Variants in OPCML observed in about 807,000 individuals in gnomAD.
OPCML encodes the protein opioid-binding protein/cell adhesion molecule.
In OPCML, 13 loss-of-function variants were observed where a neutral mutation model predicts 37.8. The observed-to-expected ratio is 0.34, with a 90% CI of 0.22 to 0.55. The LOEUF (loss-of-function observed/expected upper bound fraction) is 0.55. OPCML is among the 20% of genes least tolerant of loss of function. OPCML has a pLI of 0.91. For synonymous variants in OPCML, 176 were observed against 168.8 expected (o/e 1.04, Z -0.33); for missense variants, 341 against 435.6 (o/e 0.78, Z 1.93).
intron 1 of OPCML, among the ~76,000 whole-genome samples, chr11:133,141,706 A>G (rs1014152823): frequency 2.0e-5 from 3 of 152,196 alleles, no homozygotes; most frequent in Admixed American, 6.5e-5. Context: ...AGCTGTCAAC[A>G]TAGCTTCAAC....
chr11:133,454,266 T>C (rs1441965990), intron 1 of OPCML, among the ~76,000 whole-genome samples: 1 of 152,338 alleles, frequency 6.6e-6, no homozygotes, highest in South Asian at 2.1e-4. Context: ...GTCTCAGATC[T>C]GAATTACTAA....
chr11:132,791,031 T>C (rs1937870007), intron 2 of OPCML, among the ~76,000 whole-genome samples: 1 of 152,178 alleles, frequency 6.6e-6, no homozygotes, highest in Non-Finnish European at 1.5e-5. Context: ...TTTGGCATAT[T>C]ACAATTTTCA....
chr11:132,934,049 G>A (rs1203689522), intron 2 of OPCML, among the ~76,000 whole-genome samples: 2 of 152,170 alleles, frequency 1.3e-5, no homozygotes, highest in Non-Finnish European at 2.9e-5. Flanking sequence ...CAGGCTATGT[G>A]CCTGAAAATA....
chr11:132,685,805 C>T (rs894787760), intron 2 of OPCML, among the ~76,000 whole-genome samples: 1 of 152,150 alleles, frequency 6.6e-6, no homozygotes, highest in Non-Finnish European at 1.5e-5. Context: ...GTTAAAGATG[C>T]AAATTAGAAA....
At chr11:132,890,932 G>C (rs559549507) in intron 2 of OPCML, among the ~76,000 whole-genome samples, 13 of 151,252 alleles carry the variant, frequency 8.6e-5, no homozygotes, top group African/African-American at 2.9e-4. Flanking sequence ...CAAAGTCAGA[G>C]CTTGATGAGC....
chr11:132,895,810 CT>C (rs945484170), intron 2 of OPCML, among the ~76,000 whole-genome samples: 13 of 152,246 alleles, frequency 8.5e-5, no homozygotes, highest in African/African-American at 2.2e-4. Context: ...TCCACCCCCC[CT>C]GCCCCTCTTT....
At chr11:132,962,154 C>T (rs962616998) in intron 1 of OPCML, among the ~76,000 whole-genome samples, 1 of 152,236 alleles carries the variant, frequency 6.6e-6, no homozygotes, top group Non-Finnish European at 1.5e-5. Flanking sequence ...CGTAGGAGGT[C>T]CATTTTCATC....
Position 132,571,798 on chromosome 11 carries a change from T to G in OPCML, c.380-42612A>C, listed in dbSNP as rs777387445. Among the ~76,000 whole-genome samples, 5 of 152,324 alleles carry G rather than the reference T, an allele frequency of 3.3e-5. No homozygotes were observed. In the East Asian group the frequency reaches 9.7e-4, roughly 29 times the overall value. On this transcript the variant is annotated intron_variant, in intron 3 of 7. Transcript: ENST00000524381. ...TTTGAATATATACTCAGAAATGAGATTATGAATAATGTAGTAGTTCTATTT... is the reference window on the plus strand; with the variant it reads ...TTTGAATATATACTCAGAAATGAGAGTATGAATAATGTAGTAGTTCTATTT...
rs5795789 is a variant in OPCML at position 132,554,863 on chromosome 11, G to GTTTTTTTTTTTTTTTTTTTTTTTTTT, written c.380-25703_380-25678dup. ...ATAAAAGCCATGGGAATGGGGTAAA[G>GTTTTTTTTTTTTTTTTTTTTTTTTTT]TTTTTTTTTTTTTTTTTTTTTTTTT... On this transcript the variant is annotated intron_variant, in intron 3 of 7. Transcript: ENST00000524381. Among the ~76,000 whole-genome samples, 28 of 64,030 alleles carry GTTTTTTTTTTTTTTTTTTTTTTTTTT rather than the reference G, an allele frequency of 4.4e-4. 1 individual carries two copies. The highest frequency in any genetic ancestry group is 1.2e-3 in the Admixed American group (4 of 3,388). The allele number at this position is 64,030 out of a possible 152,430, so 42.0% of individuals were successfully genotyped here. A position where few individuals can be genotyped will look rare whatever the true frequency, so the allele number is the denominator to read the frequency against.
intron 2 of OPCML, among the ~76,000 whole-genome samples, chr11:132,864,758 T>G (rs1215930234): frequency 6.6e-6 from 1 of 152,238 alleles, no homozygotes; most frequent in East Asian, 1.9e-4. Flanking sequence ...TTGAAAGTGG[T>G]TCTCTACCCA....
intron 3 of OPCML, among the ~76,000 whole-genome samples, chr11:132,570,755 G>GTATATATA (rs71477765): frequency 0.025 from 743 of 30,062 alleles, 50 homozygotes; most frequent in Middle Eastern, 0.045. Context: ...AGGAAAGAGA[G>GTATATATA]TATATATATA....
chr11:133,036,573 A>T (rs1325535184), intron 1 of OPCML, among the ~76,000 whole-genome samples: 1 of 152,232 alleles, frequency 6.6e-6, no homozygotes, highest in Admixed American at 6.5e-5. Context: ...AGGGTTCTGT[A>T]CTTGGCCCTG....
chr11:132,460,537 G>T (rs544269508), intron 4 of OPCML, among the ~76,000 whole-genome samples: 4 of 152,300 alleles, frequency 2.6e-5, no homozygotes, highest in African/African-American at 9.6e-5. Flanking sequence ...GCAGGAGGAA[G>T]ATGTATGGTG....
Position 133,196,818 on chromosome 11 carries a change from A to C in OPCML, c.62-253808T>G, listed in dbSNP as rs374506433. ...CTCATAATTGATAAGCCTCTGAAATACTAAAGAGCTATTTATTTACATGTC... is the reference window on the plus strand; with the variant it reads ...CTCATAATTGATAAGCCTCTGAAATCCTAAAGAGCTATTTATTTACATGTC... On this transcript the variant is annotated intron_variant, in intron 1 of 7. Coordinates refer to ENST00000524381, the MANE Select transcript of OPCML (RefSeq NM_001012393.5). 1.3e-4 allele frequency among the ~76,000 whole-genome samples: 20 copies of C among 152,302 alleles called. No individual in the cohort carries two copies. The East Asian group carries it at 3.5e-3, about 27-fold the overall frequency.
intron 1 of OPCML, among the ~76,000 whole-genome samples, chr11:133,413,518 C>A (rs1243025213): frequency 1.9e-4 from 28 of 150,878 alleles, no homozygotes; most frequent in African/African-American, 6.1e-4. Context: ...TAAAAACAAA[C>A]AAAAAAAAGA....
chr11:132,746,530 G>C (rs1393293958), intron 2 of OPCML, among the ~76,000 whole-genome samples: 1 of 152,082 alleles, frequency 6.6e-6, no homozygotes, highest in East Asian at 1.9e-4. Flanking sequence ...TTCTGACTCA[G>C]GTCTGTCTAA....
At chr11:133,204,888 A>G (rs201286996) in intron 1 of OPCML, among the ~76,000 whole-genome samples, 43,720 of 129,052 alleles carry the variant, frequency 0.34, 8,493 homozygotes, top group Middle Eastern at 0.47. Flanking sequence ...ATATATATAT[A>G]TATATATATA....
chr11:132,510,093 T>A (rs922220836), intron 4 of OPCML, among the ~76,000 whole-genome samples: 3 of 152,212 alleles, frequency 2.0e-5, no homozygotes, highest in Non-Finnish European at 4.4e-5. Flanking sequence ...AAATGAGACC[T>A]GGAGTCAAAG....
chr11:133,452,955 T>G (rs1012242771), intron 1 of OPCML, among the ~76,000 whole-genome samples: 2 of 148,294 alleles, frequency 1.3e-5, no homozygotes, highest in Admixed American at 1.3e-4. Context: ...ATGTATACTA[T>G]CTTCAGCAAC....
Sources: gnomAD v4.1 joint callset for allele counts (sites outside exome capture counted in the v4.1 genomes callset) on GRCh38, gnomAD v4.1.1 for gene constraint, MANE v1.5 for transcripts, NCBI Gene and HGNC (gene_info 2026-07-23, HGNC 2026-07-21) for gene names.